TMEM164: variants seen among roughly 807,000 people sequenced by gnomAD.
The protein encoded by TMEM164 is transmembrane protein 164.
In TMEM164, 4 loss-of-function variants were observed where a neutral mutation model predicts 18.8. The ratio of observed to expected loss-of-function variants is 0.21; its 90% CI spans 0.10 to 0.49. TMEM164 has a LOEUF of 0.49. TMEM164 is among the 20% of genes least tolerant of loss of function. TMEM164 has a pLI of 0.98. For missense variants in TMEM164, 108 were observed against 239.9 expected (o/e 0.45, Z 3.63); for synonymous variants, 86 against 101.7 (o/e 0.85, Z 0.93).
At position 110,094,819 on chromosome X, in the gene TMEM164, G is replaced by A. The variant is rs185317117; in HGVS notation, c.441-14261G>A. On this transcript the variant is annotated intron_variant, in intron 3 of 6. Coordinates refer to ENST00000372068, the MANE Select transcript of TMEM164 (RefSeq NM_032227.4). ...TATGTTTTTGCAGTGGCTGGTACCG[G>A]TTGTTTCTTTCCATGTTTAGTGTTT... 5.9e-4 allele frequency among the ~76,000 whole-genome samples: 66 copies of A among 112,047 alleles called. 1 individual carries two copies. The East Asian group carries it at 0.015, about 26-fold the overall frequency.
chrX:110,152,758 G>A (rs939941283), intron 5 of TMEM164, among the ~76,000 whole-genome samples: 2 of 111,404 alleles, frequency 1.8e-5, no homozygotes, highest in African/African-American at 6.5e-5. Context: ...CTTGGGCCAA[G>A]CCTTGCACAT....
rs1470222814 is a variant in TMEM164, at chrX:110,003,773, T to A, written c.-2T>A. 2 of 1,190,999 alleles carry A rather than the reference T, an allele frequency of 1.7e-6. No individual in the cohort carries two copies. The highest frequency in any genetic ancestry group is 2.3e-6 in the Non-Finnish European group (2 of 886,258). On this transcript the variant is annotated 5_prime_UTR_variant, in exon 2 of 7. Coordinates refer to ENST00000372068, the MANE Select transcript of TMEM164 (RefSeq NM_032227.4). ...ACTGTGGTCAAGGGGAACCACTGCA[T>A]CATGTCCCGGTATAGCTACCAGAGT... is the stretch of plus-strand genomic sequence containing the variant.
Position 110,174,125 on chromosome X carries a change from G to A in TMEM164, c.*674G>A, listed in dbSNP as rs2067264422. The A allele has an allele frequency of 8.9e-6, 1 of 111,818 alleles. No homozygotes were observed. The highest frequency in any genetic ancestry group is 3.8e-4 in the South Asian group (1 of 2,623). 9.2% of individuals were successfully genotyped at this position (111,818 alleles called of 1,213,427 possible). Reference sequence around the variant, plus strand: ...GGGCTAGATTCCATTGAGAGGGTTGGAGATCTATTGCAATGACAAATCCAA... The same window carrying A: ...GGGCTAGATTCCATTGAGAGGGTTGAAGATCTATTGCAATGACAAATCCAA... On this transcript the variant is annotated 3_prime_UTR_variant, in exon 7 of 7. Coordinates refer to ENST00000372068, the MANE Select transcript of TMEM164 (RefSeq NM_032227.4).
intron 5 of TMEM164, among the ~76,000 whole-genome samples, chrX:110,152,329 C>T (rs2066954998): frequency 9.0e-6 from 1 of 110,854 alleles, no homozygotes; most frequent in Non-Finnish European, 1.9e-5. Flanking sequence ...GCTGGGATTA[C>T]AGGCATGAGT....
intron 3 of TMEM164, among the ~76,000 whole-genome samples, chrX:110,104,177 C>T (rs1277022844): frequency 9.0e-6 from 1 of 111,696 alleles, no homozygotes; most frequent in Non-Finnish European, 1.9e-5. Flanking sequence ...GTACATTGTG[C>T]CATCGTAATT....
intron 3 of TMEM164, among the ~76,000 whole-genome samples, chrX:110,075,522 C>T (rs764660501): frequency 1.8e-5 from 2 of 111,565 alleles, no homozygotes; most frequent in African/African-American, 6.5e-5. Flanking sequence ...GAGCGGGCAT[C>T]CTTGTCTTGT....
chrX:110,142,945 G>A (rs1055176073), intron 4 of TMEM164, among the ~76,000 whole-genome samples: 1 of 112,738 alleles, frequency 8.9e-6, no homozygotes, highest in Non-Finnish European at 1.9e-5. Flanking sequence ...AGCAGTTGGA[G>A]TCTGAGAGGT....
intron 4 of TMEM164, among the ~76,000 whole-genome samples, chrX:110,129,387 C>A (rs1015065678): frequency 8.9e-6 from 1 of 112,196 alleles, no homozygotes; most frequent in African/African-American, 3.2e-5. Flanking sequence ...GATATCTTGA[C>A]CTTTGTCCCC....
At position 110,177,615 on chromosome X, in the gene TMEM164, G is replaced by A. The variant is rs1485427592; in HGVS notation, c.*4164G>A. The A allele has an allele frequency of 8.9e-6, 1 of 112,482 alleles. No individual in the cohort carries two copies. The highest frequency in any genetic ancestry group is 2.8e-4 in the East Asian group (1 of 3,596). The allele number at this position is 112,482 out of a possible 1,213,427, so 9.3% of individuals were successfully genotyped here. A position where few individuals can be genotyped will look rare whatever the true frequency, so the allele number is the denominator to read the frequency against. On this transcript the variant is annotated 3_prime_UTR_variant, in exon 7 of 7. Transcript: ENST00000372068. ...TAAAACCTTTTGATTGTACCGAAATGGTATCTGCAGTCGCCTTTGGAAATA... is the reference window on the plus strand; with the variant it reads ...TAAAACCTTTTGATTGTACCGAAATAGTATCTGCAGTCGCCTTTGGAAATA...
chrX:110,046,065 G>A (rs778883955), intron 2 of TMEM164: 64 of 752,907 alleles, frequency 8.5e-5, no homozygotes, highest in Non-Finnish European at 9.5e-5. Flanking sequence ...ATCGACTTCT[G>A]GGTTGAGTCA....
chrX:110,049,290 G>A (rs1183584056), intron 2 of TMEM164, among the ~76,000 whole-genome samples: 1 of 110,893 alleles, frequency 9.0e-6, no homozygotes, highest in Non-Finnish European at 1.9e-5. Flanking sequence ...CTGGATTAAA[G>A]GGCATACGGC....
At chrX:110,136,454 C>T (rs1028530489) in intron 4 of TMEM164, among the ~76,000 whole-genome samples, 5 of 112,065 alleles carry the variant, frequency 4.5e-5, no homozygotes, top group Non-Finnish European at 9.4e-5. Flanking sequence ...TGAATTGCAT[C>T]CTTTCCCCTC....
At chrX:110,118,578 T>C (rs1207788644) in intron 4 of TMEM164, among the ~76,000 whole-genome samples, 1 of 111,313 alleles carries the variant, frequency 9.0e-6, no homozygotes, top group African/African-American at 3.3e-5. Flanking sequence ...CTGAAGACCA[T>C]AGTTTCCACA....
At chrX:110,164,311 G>T (rs1033371366) in intron 5 of TMEM164, among the ~76,000 whole-genome samples, 5 of 111,335 alleles carry the variant, frequency 4.5e-5, no homozygotes, top group Non-Finnish European at 1.9e-5. Flanking sequence ...TTAGAATCAT[G>T]GGCCATGGAA....
intron 3 of TMEM164, among the ~76,000 whole-genome samples, chrX:110,103,081 A>C (rs762863574): frequency 4.0e-4 from 45 of 112,629 alleles, no homozygotes; most frequent in Non-Finnish European, 7.5e-4. Flanking sequence ...TTACCAGCTA[A>C]GCAGACTCAG....
At chrX:110,125,608 C>T (rs775127517) in intron 4 of TMEM164, among the ~76,000 whole-genome samples, 43 of 112,262 alleles carry the variant, frequency 3.8e-4, no homozygotes, top group African/African-American at 1.3e-3. Context: ...CTCAGGTTCC[C>T]TGGGCTCATG....
At chrX:110,094,368 C>T (rs1328650854) in intron 3 of TMEM164, among the ~76,000 whole-genome samples, 2 of 111,988 alleles carry the variant, frequency 1.8e-5, no homozygotes, top group East Asian at 5.6e-4. Flanking sequence ...CTGGGTGCTC[C>T]TGTAGTGGGT....
chrX:110,029,473 G>A (rs1406143400), intron 2 of TMEM164, among the ~76,000 whole-genome samples: 1 of 111,779 alleles, frequency 8.9e-6, no homozygotes, highest in African/African-American at 3.3e-5. Flanking sequence ...GTGAGGTGTG[G>A]AGAAATTGAA....
intron 5 of TMEM164, among the ~76,000 whole-genome samples, chrX:110,170,020 G>T (rs1012999649): frequency 1.8e-5 from 2 of 111,636 alleles, no homozygotes; most frequent in Non-Finnish European, 3.8e-5. Flanking sequence ...CCTATGTGTC[G>T]CAGCCTGGAG....
Sources: gnomAD v4.1 joint callset for allele counts (sites outside exome capture counted in the v4.1 genomes callset) on GRCh38, gnomAD v4.1.1 for gene constraint, MANE v1.5 for transcripts, NCBI Gene and HGNC (gene_info 2026-07-23, HGNC 2026-07-21) for gene names.